The following ARAP2 variants were observed in gnomAD, a reference collection of about 807,000 sequenced individuals.
ARAP2 encodes the protein ArfGAP with RhoGAP domain, ankyrin repeat and PH domain 2.
A neutral mutation model predicts 194.5 loss-of-function variants in ARAP2; 148 were observed. The ratio of observed to expected loss-of-function variants is 0.76; its 90% CI spans 0.67 to 0.87. The LOEUF is 0.87. Ranked by LOEUF, ARAP2 falls within the 40% of genes least tolerant of loss-of-function variation. The pLI, the probability that ARAP2 is intolerant of heterozygous loss-of-function variation, is 0.00. For missense variants in ARAP2, 2,128 were observed against 1,989.7 expected, an observed-to-expected ratio of 1.07 and a Z score of -1.32; for synonymous variants, 695 against 683.5, an observed-to-expected ratio of 1.02 and a Z score of -0.26.
chr4:36,164,018 T>TG (rs1461164775), intron 11 of ARAP2, among the ~76,000 whole-genome samples: 1 of 152,250 alleles, frequency 6.6e-6, no homozygotes, highest in African/African-American at 2.4e-5. Flanking sequence ...GCGCTCTAGC[T>TG]GAGGTAGGAA....
intron 5 of ARAP2, among the ~76,000 whole-genome samples, chr4:36,037,847 G>A (rs1577618780): frequency 6.6e-6 from 1 of 152,254 alleles, no homozygotes; most frequent in African/African-American, 2.4e-5. Context: ...TCTCTCACTT[G>A]CAGTGGATTT....
intron 9 of ARAP2, among the ~76,000 whole-genome samples, chr4:36,175,394 C>T (rs556508963): frequency 9.9e-5 from 15 of 152,218 alleles, no homozygotes; most frequent in Non-Finnish European, 1.6e-4. Context: ...TGCTCTATCA[C>T]GGGAGAAAAC....
chr4:36,023,812 C>T (rs1296280645), intron 5 of ARAP2, among the ~76,000 whole-genome samples: 1 of 152,138 alleles, frequency 6.6e-6, no homozygotes. Context: ...GGAAATTATT[C>T]ATTTTATTGT....
chr4:36,039,073 A>C (rs1468888321), intron 5 of ARAP2, among the ~76,000 whole-genome samples: 3 of 152,154 alleles, frequency 2.0e-5, no homozygotes, highest in Non-Finnish European at 4.4e-5. Context: ...CAGGTGAAGG[A>C]GTAAAAGGAG....
chr4:36,116,215 T>C (rs193226178), intron 25 of ARAP2, among the ~76,000 whole-genome samples: 221 of 152,050 alleles, frequency 1.5e-3, no homozygotes, highest in Admixed American at 4.9e-3. Context: ...TAGTTACAAT[T>C]CATAATCATT....
At position 36,128,700 on chromosome 4, in the gene ARAP2, T is replaced by A; in HGVS notation, c.3473A>T (p.His1158Leu). 6.2e-7 allele frequency: 1 copy of A among 1,612,576 alleles called. No homozygotes were observed. The highest frequency in any genetic ancestry group is 8.5e-7 in the Non-Finnish European group (1 of 1,179,268). Reference sequence around the variant, plus strand: ...GAAACTCTCCAGGAGTTCACTTATATGCAAAGGATCACCATTCTTTTGATA... The same window carrying A: ...GAAACTCTCCAGGAGTTCACTTATAAGCAAAGGATCACCATTCTTTTGATA... The part of the protein sequence containing the change: ...YIYQKNGDPL[H>L]ISELLESFKK... Residue 1158 changes from histidine (H) to leucine (L), a missense_variant, in exon 21 of 33, where the codon CAT (histidine) becomes CTT (leucine). Coordinates refer to ENST00000303965, the MANE Select transcript of ARAP2 (RefSeq NM_015230.4).
chr4:36,159,741 T>C (rs1027774023), intron 13 of ARAP2: 6 of 320,082 alleles, frequency 1.9e-5, no homozygotes, highest in African/African-American at 6.4e-5. Context: ...GTTGCTATGA[T>C]GTTCCTTCTA....
At chr4:36,051,347 C>T (rs1370560319) in intron 3 of ARAP2, among the ~76,000 whole-genome samples, 2 of 151,976 alleles carry the variant, frequency 1.3e-5, no homozygotes, top group African/African-American at 2.4e-5. Context: ...GGAGTGGTGG[C>T]GGGCGCCTGT....
chr4:36,093,187 C>A (rs915449014), intron 27 of ARAP2, among the ~76,000 whole-genome samples: 1 of 151,856 alleles, frequency 6.6e-6, no homozygotes, highest in African/African-American at 2.4e-5. Context: ...GGGAACAACA[C>A]ACACTGGGGC....
chr4:36,224,012 T>C (rs897737535), intron 2 of ARAP2, among the ~76,000 whole-genome samples: 10 of 151,812 alleles, frequency 6.6e-5, no homozygotes, highest in Non-Finnish European at 1.5e-4. Context: ...AATGAATAAC[T>C]CTGATTATAA....
intron 21 of ARAP2, among the ~76,000 whole-genome samples, chr4:36,127,592 C>T (rs1462368861): frequency 6.6e-6 from 1 of 151,754 alleles, no homozygotes; most frequent in South Asian, 2.1e-4. Flanking sequence ...TAGAGGAATG[C>T]CATGTGACTA....
chr4:36,203,277 CAT>C (rs1198951829), intron 6 of ARAP2, among the ~76,000 whole-genome samples: 1 of 152,126 alleles, frequency 6.6e-6, no homozygotes, highest in Admixed American at 6.6e-5. Context: ...CACTTTCCCA[CAT>C]GAGCCACCCA....
chr4:36,234,985 A>C (rs1752183397), intron 1 of ARAP2, among the ~76,000 whole-genome samples: 1 of 152,208 alleles, frequency 6.6e-6, no homozygotes, highest in African/African-American at 2.4e-5. Flanking sequence ...AGGCAACAAA[A>C]GGGAAGTAAC....
chr4:36,222,788 T>C (rs943711173), intron 2 of ARAP2, among the ~76,000 whole-genome samples: 1 of 152,174 alleles, frequency 6.6e-6, no homozygotes, highest in Non-Finnish European at 1.5e-5. Flanking sequence ...TTATGTATGT[T>C]TGAAATTTTC....
chr4:36,217,342 T>C (rs1359262198), intron 2 of ARAP2, among the ~76,000 whole-genome samples: 8 of 152,096 alleles, frequency 5.3e-5, no homozygotes, highest in Non-Finnish European at 1.0e-4. Context: ...AGAAACCCCA[T>C]ATCTACTAAA....
chr4:36,139,290 A>G (rs1462554364), intron 19 of ARAP2, among the ~76,000 whole-genome samples: 1 of 151,584 alleles, frequency 6.6e-6, no homozygotes, highest in African/African-American at 2.4e-5. Context: ...ATTATATCCA[A>G]TGTGTTAAAT....
chr4:36,209,315 C>T, intron 6 of ARAP2: 15 of 437,434 alleles, frequency 3.4e-5, no homozygotes, highest in South Asian at 2.5e-4. Flanking sequence ...CTAAAAAGAA[C>T]AAGCAGAGGG....
rs1754260627 is a variant in ARAP2, at chr4:36,244,427, G to T, written c.-408C>A. The T allele has an allele frequency of 6.7e-6, 1 of 150,026 alleles. No individual in the cohort carries two copies. Among genetic ancestry groups the T allele is most frequent in the Non-Finnish European group, 1.5e-5 (1 of 67,230 alleles). The allele number at this position is 150,026 out of a possible 1,614,324, so 9.3% of individuals were successfully genotyped here. ...CCTGGAGGCGGGGAGCGCGGGCCGCGGACCCGCGCTCAGCTCCGGAAACGC... is the reference window on the plus strand; with the variant it reads ...CCTGGAGGCGGGGAGCGCGGGCCGCTGACCCGCGCTCAGCTCCGGAAACGC... On this transcript the variant is annotated 5_prime_UTR_variant, in exon 1 of 33. Transcript: ENST00000303965.
intron 28 of ARAP2, among the ~76,000 whole-genome samples, chr4:36,084,252 T>C (rs1730295034): frequency 6.6e-6 from 1 of 152,118 alleles, no homozygotes; most frequent in African/African-American, 2.4e-5. Context: ...TCTGTCCCTC[T>C]AGAGGACCCT....
Sources: allele counts gnomAD v4.1 joint callset (sites outside exome capture counted in the v4.1 genomes callset), GRCh38; gene constraint gnomAD v4.1.1; transcripts MANE v1.5; gene names NCBI Gene and HGNC (gene_info 2026-07-23, HGNC 2026-07-21).